UNC13C: variants seen among roughly 807,000 people sequenced by gnomAD.
The protein encoded by UNC13C is unc-13 homolog C.
UNC13C carries 174 observed loss-of-function variants against 245.4 expected under a neutral mutation model. The ratio of observed to expected loss-of-function variants is 0.71; its 90% CI spans 0.63 to 0.80. The LOEUF (loss-of-function observed/expected upper bound fraction) is 0.80, where lower values mean the gene tolerates loss of function less well. Ranked by LOEUF, UNC13C falls within the 30% of genes least tolerant of loss-of-function variation. UNC13C has a pLI of 0.00. For synonymous variants in UNC13C, 992 were observed against 895.1 expected (o/e 1.11, Z -1.93); for missense variants, 2,829 against 2,602.9 (o/e 1.09, Z -1.89).
chr15:54,546,707 A>AT lies in UNC13C; in HGVS notation c.5697-14dup. 30 of 1,435,202 alleles carry AT rather than the reference A, an allele frequency of 2.1e-5. No homozygotes were observed. Among genetic ancestry groups the AT allele is most frequent in the South Asian group, 5.8e-5 (4 of 68,688 alleles). The allele number at this position is 1,435,202 out of a possible 1,614,324, so 88.9% of individuals were successfully genotyped here. On this transcript the variant is annotated splice_polypyrimidine_tract_variant and intron_variant, in intron 26 of 32. Coordinates refer to ENST00000260323, the MANE Select transcript of UNC13C (RefSeq NM_001080534.3). ...GAAATTTAAAAGTGAATATATATAT[A>AT]TATTTTTTTTTCAGATTAAGTCTCT... is the stretch of plus-strand genomic sequence containing the variant.
intron 13 of UNC13C, among the ~76,000 whole-genome samples, chr15:54,319,801 C>G (rs932631314): frequency 8.8e-5 from 13 of 147,762 alleles, no homozygotes; most frequent in Admixed American, 2.0e-4. Context: ...TTTCTTTCCT[C>G]CATGTATATT....
intron 28 of UNC13C, among the ~76,000 whole-genome samples, chr15:54,553,612 T>C (rs62022207): frequency 0.058 from 8,762 of 150,278 alleles, 366 homozygotes; most frequent in Admixed American, 0.13. Context: ...GATATAATAT[T>C]AAAACCAATT....
intron 30 of UNC13C, among the ~76,000 whole-genome samples, chr15:54,582,220 T>C (rs911133506): frequency 6.6e-6 from 1 of 152,274 alleles, no homozygotes; most frequent in Non-Finnish European, 1.5e-5. Flanking sequence ...TATTAAAATC[T>C]ACAGGTCATG....
intron 7 of UNC13C, among the ~76,000 whole-genome samples, chr15:54,239,620 T>G (rs2035798341): frequency 1.0e-5 from 1 of 97,122 alleles, no homozygotes; most frequent in African/African-American, 8.4e-5. Flanking sequence ...TCAGCTAATA[T>G]TTCCTTTTTT....
chr15:53,896,446 GT>G, the UNC13C span, among the ~76,000 whole-genome samples: 1 of 152,074 alleles, frequency 6.6e-6, no homozygotes, highest in Non-Finnish European at 1.5e-5. Flanking sequence ...GGTGTCATTT[GT>G]AAATACTTCT....
intron 17 of UNC13C, among the ~76,000 whole-genome samples, chr15:54,355,836 C>T (rs1235461078): frequency 1.3e-5 from 2 of 152,090 alleles, no homozygotes; most frequent in East Asian, 3.9e-4. Flanking sequence ...TTCTGCATAT[C>T]CTTTCAGAGA....
rs141190619 is a variant in UNC13C, at chr15:54,035,969, A to G, written c.2983+20083A>G. ...GAAGAAGATCTGGTAGTAATACTTC[A>G]GGGATTTTGTAGTCTTCCCATCTAG... On this transcript the variant is annotated intron_variant, in intron 2 of 32. Transcript: ENST00000260323. Among the ~76,000 whole-genome samples, 1,170 of 152,238 alleles carry G rather than the reference A, an allele frequency of 7.7e-3. 5 individuals are homozygous for G. Among genetic ancestry groups the G allele is most frequent in the Non-Finnish European group, 8.9e-3 (603 of 68,010 alleles).
At chr15:53,950,725 GAC>G in the UNC13C span, among the ~76,000 whole-genome samples, 1 of 152,172 alleles carries the variant, frequency 6.6e-6, no homozygotes, top group Non-Finnish European at 1.5e-5. Flanking sequence ...CAGGGCTGAA[GAC>G]ACAGAAATAG....
At chr15:53,839,032 A>T in the UNC13C span, among the ~76,000 whole-genome samples, 2 of 152,078 alleles carry the variant, frequency 1.3e-5, no homozygotes, top group African/African-American at 4.8e-5. Context: ...ATGTTACTTT[A>T]TCTTTAGCTA....
chr15:54,482,199 C>T (rs538741082), intron 19 of UNC13C, among the ~76,000 whole-genome samples: 17 of 152,150 alleles, frequency 1.1e-4, no homozygotes, highest in Admixed American at 7.2e-4. Context: ...CTGCAGTCCT[C>T]GGGAAGGACA....
chr15:54,262,317 T>G (rs1017719604), intron 8 of UNC13C, among the ~76,000 whole-genome samples: 1 of 152,020 alleles, frequency 6.6e-6, no homozygotes, highest in Non-Finnish European at 1.5e-5. Flanking sequence ...TGGGAGAGAG[T>G]CAACATTTTT....
chr15:53,884,484 T>C, the UNC13C span, among the ~76,000 whole-genome samples: 2 of 152,116 alleles, frequency 1.3e-5, no homozygotes, highest in Admixed American at 6.6e-5. Context: ...CATGCCACCG[T>C]GCCCAGCTAA....
chr15:54,075,369 C>T (rs143801746), intron 2 of UNC13C, among the ~76,000 whole-genome samples: 4,672 of 151,500 alleles, frequency 0.031, 262 homozygotes, highest in African/African-American at 0.11. Context: ...CCTGTAGTTC[C>T]AGCCACTCGG....
At chr15:54,089,357 G>A (rs1567005188) in intron 2 of UNC13C, among the ~76,000 whole-genome samples, 1 of 152,140 alleles carries the variant, frequency 6.6e-6, no homozygotes, top group Non-Finnish European at 1.5e-5. Flanking sequence ...TTAATGAGGA[G>A]GACTTGGGAG....
intron 24 of UNC13C, among the ~76,000 whole-genome samples, chr15:54,516,363 C>T (rs1398781827): frequency 2.6e-5 from 4 of 152,186 alleles, no homozygotes; most frequent in African/African-American, 9.6e-5. Flanking sequence ...ATGAAAAACA[C>T]ACATCACTGA....
chr15:54,533,785 G>A (rs921319995), intron 26 of UNC13C, among the ~76,000 whole-genome samples: 5 of 152,140 alleles, frequency 3.3e-5, no homozygotes, highest in Non-Finnish European at 7.4e-5. Context: ...TTGAGGCAGG[G>A]TCAGAGCACC....
At chr15:53,848,452 T>C in the UNC13C span, among the ~76,000 whole-genome samples, 1 of 152,202 alleles carries the variant, frequency 6.6e-6, no homozygotes, top group East Asian at 1.9e-4. Context: ...TTCTGTTTTA[T>C]TGCTCAATTT....
chr15:54,476,640 A>G (rs1292003123), intron 19 of UNC13C, among the ~76,000 whole-genome samples: 3 of 151,746 alleles, frequency 2.0e-5, no homozygotes, highest in Non-Finnish European at 4.4e-5. Context: ...GTTGTTTCTG[A>G]GGGCTCTGTT....
chr15:53,899,303 G>C, the UNC13C span, among the ~76,000 whole-genome samples: 2 of 152,180 alleles, frequency 1.3e-5, no homozygotes, highest in Non-Finnish European at 2.9e-5. Flanking sequence ...TGCAAGAATT[G>C]CAAGAATCTG....
Sources: allele counts gnomAD v4.1 joint callset (sites outside exome capture counted in the v4.1 genomes callset), GRCh38; gene constraint gnomAD v4.1.1; transcripts MANE v1.5; gene names NCBI Gene and HGNC (gene_info 2026-07-23, HGNC 2026-07-21).